Variants in LHFPL2 observed in about 807,000 individuals in gnomAD.
LHFPL2 encodes the protein LHFPL tetraspan subfamily member 2, also known as LHFPL tetraspan subfamily member 2 protein.
LHFPL2 carries 7 observed loss-of-function variants against 17.5 expected under a neutral mutation model. That is an observed-to-expected ratio of 0.40 (90% CI 0.23 to 0.75). The LOEUF is 0.75. LHFPL2 is among the 30% of genes least tolerant of loss of function. The pLI is 0.37. For missense variants in LHFPL2, 241 were observed against 294.8 expected, an observed-to-expected ratio of 0.82 and a Z score of 1.34; for synonymous variants, 134 against 116.2, an observed-to-expected ratio of 1.15 and a Z score of -0.99.
In LHFPL2 at chr5:78,513,668, C is replaced by T. The variant is rs567136777; in HGVS notation, c.-185-3270G>A. Among the ~76,000 whole-genome samples, 396 of 152,190 alleles carry T rather than the reference C, an allele frequency of 2.6e-3. 1 individual carries two copies. The highest frequency in any genetic ancestry group is 9.1e-3 in the African/African-American group (378 of 41,522). On this transcript the variant is annotated intron_variant, in intron 3 of 4. Transcript: ENST00000380345. ...TAATTGAATCATGGGGGCGGATCCC[C>T]CATACTGTTCTCATGGTAGTGAATA...
intron 2 of LHFPL2, among the ~76,000 whole-genome samples, chr5:78,572,498 G>GTGTA (rs1236270258): frequency 6.8e-6 from 1 of 146,996 alleles, no homozygotes; most frequent in Admixed American, 6.8e-5. Flanking sequence ...ATATATGTGT[G>GTGTA]TATATATATA....
intron 4 of LHFPL2, 60 bp from the exon 5 acceptor site, chr5:78,489,213 C>CTGTT (rs2112282450): frequency 6.3e-7 from 1 of 1,588,200 alleles, no homozygotes; most frequent in East Asian, 2.2e-5. Context: ...CTGTCCAGAT[C>CTGTT]TGTTGTAATT....
rs79824617 is a variant in LHFPL2 at position 78,498,804 on chromosome 5, A to G, written c.431-9651T>C. ...ATGAATGTCTTGGGTAAAAATAATA[A>G]AAAGTGGATAACCATCTATCTGGAA... On this transcript the variant is annotated intron_variant, in intron 4 of 4. Coordinates refer to ENST00000380345, the MANE Select transcript of LHFPL2 (RefSeq NM_005779.3). Among the ~76,000 whole-genome samples the G allele has an allele frequency of 2.3e-3, 344 of 152,338 alleles. 2 individuals are homozygous for G. The highest frequency in any genetic ancestry group is 7.8e-3 in the African/African-American group (323 of 41,570).
At chr5:78,627,789 G>A (rs2094820212) in intron 2 of LHFPL2, among the ~76,000 whole-genome samples, 1 of 152,136 alleles carries the variant, frequency 6.6e-6, no homozygotes, top group Admixed American at 6.5e-5. Flanking sequence ...ACTCTACCAT[G>A]TGCTTTGACA....
chr5:78,591,778 G>T (rs1008341770), intron 2 of LHFPL2, among the ~76,000 whole-genome samples: 5 of 152,200 alleles, frequency 3.3e-5, no homozygotes, highest in Non-Finnish European at 7.3e-5. Flanking sequence ...TTGTGCCATG[G>T]GGGCTGCAGA....
In LHFPL2 at chr5:78,485,963, T is replaced by TC. The variant is rs386404201; in HGVS notation, c.*2933_*2934insG. The TC allele has an allele frequency of 1.9e-3, 1 of 538 alleles. No homozygotes were observed. Among genetic ancestry groups the TC allele is most frequent in the East Asian group, 0.5 (1 of 2 alleles). The allele number at this position is 538 out of a possible 1,614,324, so 0.0% of individuals were successfully genotyped here. A position where few individuals can be genotyped will look rare whatever the true frequency, so the allele number is the denominator to read the frequency against. ...TGAAGGCAAAAATGTGGAACTCTCCTTGCCAAAACAGAAACAAACATCCCT... is the reference window on the plus strand; with the variant it reads ...TGAAGGCAAAAATGTGGAACTCTCCTCTGCCAAAACAGAAACAAACATCCCT... On this transcript the variant is annotated 3_prime_UTR_variant, in exon 5 of 5. Coordinates refer to ENST00000380345, the MANE Select transcript of LHFPL2 (RefSeq NM_005779.3).
intron 3 of LHFPL2, among the ~76,000 whole-genome samples, chr5:78,535,445 G>A (rs144637351): frequency 7.2e-4 from 110 of 152,284 alleles, no homozygotes; most frequent in African/African-American, 2.5e-3. Context: ...TGTCCACGAT[G>A]GCTAGTGTGA....
chr5:78,583,031 C>T (rs1743208113), intron 2 of LHFPL2, among the ~76,000 whole-genome samples: 3 of 152,182 alleles, frequency 2.0e-5, no homozygotes, highest in Non-Finnish European at 4.4e-5. Flanking sequence ...ATCCCTTTAG[C>T]ATTATGTAAT....
At chr5:78,492,396 T>C (rs1396904476) in intron 4 of LHFPL2, among the ~76,000 whole-genome samples, 1 of 152,212 alleles carries the variant, frequency 6.6e-6, no homozygotes, top group Admixed American at 6.5e-5. Context: ...TCTGCCACCT[T>C]GTGTCAGGCT....
At chr5:78,614,674 C>G (rs1413191563) in intron 2 of LHFPL2, among the ~76,000 whole-genome samples, 4 of 151,904 alleles carry the variant, frequency 2.6e-5, no homozygotes, top group Admixed American at 2.6e-4. Context: ...ATAAGAGCAT[C>G]AATACAGCTC....
At chr5:78,514,115 C>T (rs1407945605) in intron 3 of LHFPL2, among the ~76,000 whole-genome samples, 2 of 152,218 alleles carry the variant, frequency 1.3e-5, no homozygotes, top group Non-Finnish European at 2.9e-5. Flanking sequence ...CAGCCCTCTT[C>T]GGCCTGGCAT....
At chr5:78,589,835 G>A (rs1372936575) in intron 2 of LHFPL2, among the ~76,000 whole-genome samples, 1 of 152,208 alleles carries the variant, frequency 6.6e-6, no homozygotes, top group African/African-American at 2.4e-5. Context: ...ACACAACACA[G>A]TTAACTGAAT....
intron 2 of LHFPL2, among the ~76,000 whole-genome samples, chr5:78,603,155 G>GT (rs769807614): frequency 5.5e-4 from 83 of 152,268 alleles, no homozygotes; most frequent in Non-Finnish European, 3.7e-4. Flanking sequence ...GCCTCCCAAA[G>GT]TGCTGGGATT....
intron 2 of LHFPL2, among the ~76,000 whole-genome samples, chr5:78,612,454 T>C (rs1744453369): frequency 6.6e-6 from 1 of 152,234 alleles, no homozygotes; most frequent in Admixed American, 6.5e-5. Flanking sequence ...GCACTTAAAG[T>C]GCTTTACAAA....
chr5:78,537,296 C>G (rs557104809), intron 3 of LHFPL2, among the ~76,000 whole-genome samples: 1 of 152,316 alleles, frequency 6.6e-6, no homozygotes, highest in African/African-American at 2.4e-5. Context: ...CTGGCCCCAT[C>G]AGCTGCCTCC....
chr5:78,538,458 A>G (rs1376050258), intron 3 of LHFPL2, among the ~76,000 whole-genome samples: 1 of 152,188 alleles, frequency 6.6e-6, no homozygotes, highest in Non-Finnish European at 1.5e-5. Context: ...CCACATGTCA[A>G]CGTGACAACA....
chr5:78,643,694 C>G (rs531665141), intron 1 of LHFPL2, among the ~76,000 whole-genome samples: 1 of 152,148 alleles, frequency 6.6e-6, no homozygotes, highest in Non-Finnish European at 1.5e-5. Flanking sequence ...TGTGCACCAA[C>G]GACAGCCTGC....
chr5:78,603,134 C>T (rs1309318433), intron 2 of LHFPL2, among the ~76,000 whole-genome samples: 1 of 152,070 alleles, frequency 6.6e-6, no homozygotes, highest in East Asian at 1.9e-4. Context: ...CCTCGTGATC[C>T]ACCTGCCTCG....
intron 3 of LHFPL2, among the ~76,000 whole-genome samples, chr5:78,519,031 C>T (rs1966576): frequency 2.9e-5 from 4 of 137,068 alleles, no homozygotes; most frequent in South Asian, 2.5e-4. Flanking sequence ...TGCTAAGCAA[C>T]GTGGACAGGG....
Sources: allele counts gnomAD v4.1 joint callset (sites outside exome capture counted in the v4.1 genomes callset), GRCh38; gene constraint gnomAD v4.1.1; transcripts MANE v1.5; gene names NCBI Gene and HGNC (gene_info 2026-07-23, HGNC 2026-07-21).